Variants in USP32 observed in about 807,000 individuals in gnomAD.
USP32 encodes ubiquitin specific peptidase 32, also known as ubiquitin carboxyl-terminal hydrolase 32.
Under a neutral mutation model 204.8 loss-of-function variants are expected in USP32, and 59 were observed. The ratio of observed to expected loss-of-function variants is 0.29; its 90% CI spans 0.23 to 0.36. The LOEUF is 0.36. USP32 is among the 10% of genes least tolerant of loss of function. The probability of loss-of-function intolerance (pLI) is 1.00; values close to 1 mark genes in which losing one functional copy is unlikely to be tolerated. For synonymous variants in USP32, 517 were observed against 678.4 expected (o/e 0.76, Z 3.70); for missense variants, 1,160 against 1,946.4 (o/e 0.60, Z 7.60).
intron 2 of USP32, among the ~76,000 whole-genome samples, chr17:60,343,931 G>A (rs1370695867): frequency 1.3e-5 from 2 of 151,958 alleles, no homozygotes; most frequent in Non-Finnish European, 2.9e-5. Context: ...CTACTCAGGA[G>A]GCTGAGGCAG....
In USP32 at chr17:60,181,600, T is replaced by C. The variant is rs1398006383; in HGVS notation, c.4272A>G (p.Lys1424=). ...TTTCTTTGCTGGCATCCAAGTTCTC[T>C]TTACTACTTGACAGTTTATTTTTGC... ...IGSKNKLSSS[K]ENLDASKENG... is the part of the protein sequence containing the mutation. The change falls in exon 32 of 34, where the codon AAA becomes AAG. Residue 1424 remains lysine (K), a synonymous_variant. Coordinates refer to ENST00000300896, the MANE Select transcript of USP32 (RefSeq NM_032582.4). 8 of 1,613,900 alleles carry C rather than the reference T, an allele frequency of 5.0e-6. No homozygotes were observed. The highest frequency in any genetic ancestry group is 6.8e-6 in the Non-Finnish European group (8 of 1,179,872).
At chr17:60,361,510 CAG>C (rs2089206434) in intron 1 of USP32, among the ~76,000 whole-genome samples, 2 of 152,146 alleles carry the variant, frequency 1.3e-5, no homozygotes, top group South Asian at 2.1e-4. Flanking sequence ...TAGATACATA[CAG>C]AGAGTGCTTC....
chr17:60,318,564 C>T (rs1283582167), intron 2 of USP32, among the ~76,000 whole-genome samples: 1 of 152,110 alleles, frequency 6.6e-6, no homozygotes, highest in Non-Finnish European at 1.5e-5. Context: ...GTAAAGACAA[C>T]AAAAATTTCA....
At chr17:60,390,053 A>C (rs2089803961) in intron 1 of USP32, among the ~76,000 whole-genome samples, 2 of 152,200 alleles carry the variant, frequency 1.3e-5, no homozygotes, top group Admixed American at 1.3e-4. Flanking sequence ...AGTTACAAAT[A>C]AGCTCTTAAC....
intron 1 of USP32, among the ~76,000 whole-genome samples, chr17:60,383,743 C>CA (rs1172365025): frequency 1.3e-5 from 2 of 152,196 alleles, no homozygotes; most frequent in Admixed American, 1.3e-4. Flanking sequence ...GTTCCAAGAA[C>CA]AAGAAGATGG....
intron 7 of USP32, among the ~76,000 whole-genome samples, chr17:60,266,949 C>T (rs59190714): frequency 0.021 from 3,247 of 151,250 alleles, 137 homozygotes; most frequent in African/African-American, 0.075. Flanking sequence ...CCACTGTGCC[C>T]GGCCAATTTT....
chr17:60,230,880 C>CT (rs1017229114), intron 12 of USP32, among the ~76,000 whole-genome samples: 1 of 152,104 alleles, frequency 6.6e-6, no homozygotes, highest in Non-Finnish European at 1.5e-5. Flanking sequence ...GAGTCACTAG[C>CT]TTTTTTTGAC....
At chr17:60,218,799 T>C (rs796127332) in intron 16 of USP32, among the ~76,000 whole-genome samples, 2 of 152,312 alleles carry the variant, frequency 1.3e-5, no homozygotes, top group African/African-American at 4.8e-5. Flanking sequence ...GGGTTCGTGT[T>C]GGCCAGGCTG....
At chr17:60,249,777 T>G in intron 11 of USP32, 1 of 701,346 alleles carries the variant, frequency 1.4e-6, no homozygotes, top group Middle Eastern at 2.3e-4. Context: ...TTGACAATTT[T>G]GTTCAGTTTT....
intron 2 of USP32, among the ~76,000 whole-genome samples, chr17:60,315,567 C>A (rs1042985984): frequency 1.3e-5 from 2 of 152,102 alleles, no homozygotes; most frequent in African/African-American, 4.8e-5. Flanking sequence ...ACCATATGAC[C>A]TGACAATTCT....
At position 60,307,173 on chromosome 17, in the gene USP32, C is replaced by T. The variant is rs150372806; in HGVS notation, c.187-5469G>A. On this transcript the variant is annotated intron_variant, in intron 2 of 33. Coordinates refer to ENST00000300896, the MANE Select transcript of USP32 (RefSeq NM_032582.4). ...GGAGTGCAGTGGCTCGATCTTGGCT[C>T]TCTGCAAACTCAACCTCCCAGGTTC... 0.013 allele frequency among the ~76,000 whole-genome samples: 1,945 copies of T among 150,846 alleles called. 134 individuals carry two copies. The East Asian group carries it at 0.19, about 15-fold the overall frequency.
chr17:60,391,966 T>A lies in USP32; in HGVS notation c.-27A>T. The A allele has an allele frequency of 6.3e-7, 1 of 1,590,478 alleles. No individual in the cohort carries two copies. The highest frequency in any genetic ancestry group is 8.5e-7 in the Non-Finnish European group (1 of 1,169,834). ...CTCCCCTCATCCCCTCGGCGGGGGG[T>A]CGGAGCCTGATCTCGCCCCCACCCC... On this transcript the variant is annotated 5_prime_UTR_variant, in exon 1 of 34. Coordinates refer to ENST00000300896, the MANE Select transcript of USP32 (RefSeq NM_032582.4).
chr17:60,354,356 G>A (rs1044665676), intron 1 of USP32, among the ~76,000 whole-genome samples: 7 of 152,070 alleles, frequency 4.6e-5, no homozygotes, highest in Admixed American at 6.6e-5. Flanking sequence ...AGGAGTTTCC[G>A]TTTTAACAGT....
chr17:60,189,415 T>C (rs113431523), intron 29 of USP32, among the ~76,000 whole-genome samples: 3,063 of 152,218 alleles, frequency 0.02, 50 homozygotes, highest in Middle Eastern at 0.031. Context: ...CTTTAAAAAA[T>C]AGTAAAGGAA....
At chr17:60,255,098 T>C in intron 10 of USP32, 77 bp downstream of exon 10, 1 of 1,031,306 alleles carries the variant, frequency 9.7e-7, no homozygotes, top group Non-Finnish European at 1.4e-6. Flanking sequence ...ACAACAACTC[T>C]GGCTACTATA....
intron 1 of USP32, among the ~76,000 whole-genome samples, chr17:60,373,960 G>A (rs576315937): frequency 1.3e-5 from 2 of 152,092 alleles, no homozygotes; most frequent in African/African-American, 2.4e-5. Context: ...CGAGGTGGGC[G>A]TATCACCTGA....
intron 28 of USP32, among the ~76,000 whole-genome samples, chr17:60,191,046 A>G (rs1302151401): frequency 6.6e-6 from 1 of 152,174 alleles, no homozygotes; most frequent in African/African-American, 2.4e-5. Flanking sequence ...AGGTAGGACA[A>G]TTTATCTGGT....
chr17:60,269,772 T>C (rs988190998), intron 6 of USP32, among the ~76,000 whole-genome samples: 1 of 152,164 alleles, frequency 6.6e-6, no homozygotes, highest in South Asian at 2.1e-4. Context: ...TTACAATCCT[T>C]TAGTGTTTGG....
intron 3 of USP32, among the ~76,000 whole-genome samples, chr17:60,296,181 A>G (rs975212932): frequency 6.6e-6 from 1 of 152,202 alleles, no homozygotes; most frequent in Admixed American, 6.5e-5. Context: ...AGGTGGAGGT[A>G]CGTATTAGAT....
Sources: gnomAD v4.1 joint callset for allele counts (sites outside exome capture counted in the v4.1 genomes callset) on GRCh38, gnomAD v4.1.1 for gene constraint, MANE v1.5 for transcripts, NCBI Gene and HGNC (gene_info 2026-07-23, HGNC 2026-07-21) for gene names.